The following ZGRF1 variants were observed in gnomAD, a reference collection of about 807,000 sequenced individuals.
ZGRF1 encodes 5'-3' DNA helicase ZGRF1.
Under a neutral mutation model 203.5 loss-of-function variants are expected in ZGRF1, and 196 were observed. The ratio of observed to expected loss-of-function variants is 0.96; its 90% CI spans 0.86 to 1.08. ZGRF1 has a LOEUF of 1.08. Ranked by LOEUF, ZGRF1 falls within the 50% of genes least tolerant of loss-of-function variation. The probability of loss-of-function intolerance (pLI) is 0.00; values close to 1 mark genes in which losing one functional copy is unlikely to be tolerated. For missense variants in ZGRF1, 2,326 were observed against 2,416.3 expected, an observed-to-expected ratio of 0.96 and a Z score of 0.78; for synonymous variants, 809 against 841.3, an observed-to-expected ratio of 0.96 and a Z score of 0.66.
chr4:112,636,841 T>C lies in ZGRF1; in HGVS notation c.-67+10A>G, dbSNP rs1053953699. On this transcript the variant is annotated intron_variant, in intron 1 of 27. Coordinates refer to ENST00000505019, the MANE Select transcript of ZGRF1 (RefSeq NM_018392.5). ...ATTCCTAGGAAATCCCGAGAAACAC[T>C]TCACCTCACCTGTCAAATTGCACAA... 7.2e-5 allele frequency: 11 copies of C among 152,152 alleles called. No homozygotes were observed. The highest frequency in any genetic ancestry group is 1.9e-4 in the African/African-American group (8 of 41,420). 9.4% of individuals were successfully genotyped at this position (152,152 alleles called of 1,614,324 possible).
At position 112,617,843 on chromosome 4, in the gene ZGRF1, AC is replaced by A; in HGVS notation, c.2198del (p.Ser733IlefsTer9). 3.1e-6 allele frequency: 5 copies of A among 1,614,104 alleles called. No individual in the cohort carries two copies. The highest frequency in any genetic ancestry group is 3.4e-6 in the Non-Finnish European group (4 of 1,179,980). On this transcript the variant is annotated frameshift_variant, in exon 6 of 28. Coordinates refer to ENST00000505019, the MANE Select transcript of ZGRF1 (RefSeq NM_018392.5). LOFTEE classifies it high-confidence loss of function. The part of the protein sequence containing the change: ...NDEHVLPSTS[S>X]SDNSVQLLNT... ...TTAATAGTTGGACACTGTTGTCACT[AC>A]TAGAAGTTGAGGGTAAAACATGTTC...
intron 4 of ZGRF1, among the ~76,000 whole-genome samples, chr4:112,621,140 C>T (rs771700051): frequency 3.3e-5 from 5 of 152,152 alleles, no homozygotes; most frequent in African/African-American, 7.2e-5. Flanking sequence ...ATGCCCCCTC[C>T]CAAGCAATTC....
At chr4:112,597,154 C>T (rs2149068630) in intron 10 of ZGRF1, among the ~76,000 whole-genome samples, 1 of 148,276 alleles carries the variant, frequency 6.7e-6, no homozygotes, top group East Asian at 2.0e-4. Flanking sequence ...GCGGAGGTTG[C>T]AGTGAGCCGA....
At chr4:112,597,163 G>A (rs1356575670) in intron 10 of ZGRF1, among the ~76,000 whole-genome samples, 1 of 145,360 alleles carries the variant, frequency 6.9e-6, no homozygotes, top group African/African-American at 2.6e-5. Flanking sequence ...GCAGTGAGCC[G>A]AGATCACACC....
chr4:112,562,207 C>T, intron 18 of ZGRF1, 164 bp downstream of exon 18: 1 of 527,746 alleles, frequency 1.9e-6, no homozygotes, highest in Non-Finnish European at 3.4e-6. Context: ...CTGCACCCAG[C>T]CCCTTTTCTC....
chr4:112,563,354 A>G (rs1268022435), intron 16 of ZGRF1, 80 bp from the exon 17 acceptor site: 2 of 1,044,986 alleles, frequency 1.9e-6, no homozygotes, highest in Non-Finnish European at 2.8e-6. Flanking sequence ...ATATATTTGC[A>G]TATGTGTGTA....
At chr4:112,605,072 C>T (rs1750566447) in intron 9 of ZGRF1, among the ~76,000 whole-genome samples, 1 of 151,940 alleles carries the variant, frequency 6.6e-6, no homozygotes, top group Non-Finnish European at 1.5e-5. Flanking sequence ...AAAAATGAGT[C>T]TCAACTGTTA....
chr4:112,548,244 T>G lies in ZGRF1; in HGVS notation c.5474+9A>C. Reference sequence around the variant, plus strand: ...GTATTACCCCTGGGGAAAGAATCTTTTAGGTTACCTTGCAATGGGAAGGAG... The same window carrying G: ...GTATTACCCCTGGGGAAAGAATCTTGTAGGTTACCTTGCAATGGGAAGGAG... On this transcript the variant is annotated intron_variant, in intron 23 of 27. Coordinates refer to ENST00000505019, the MANE Select transcript of ZGRF1 (RefSeq NM_018392.5). 6.4e-7 allele frequency: 1 copy of G among 1,552,010 alleles called. No homozygotes were observed. The highest frequency in any genetic ancestry group is 8.7e-7 in the Non-Finnish European group (1 of 1,146,946).
At chr4:112,559,992 A>G (rs960865649) in intron 19 of ZGRF1, among the ~76,000 whole-genome samples, 1 of 151,840 alleles carries the variant, frequency 6.6e-6, no homozygotes, top group Non-Finnish European at 1.5e-5. Flanking sequence ...GTGAGAGAAT[A>G]TGAGGAGGAT....
chr4:112,616,671 C>T (rs1318305448), intron 6 of ZGRF1, among the ~76,000 whole-genome samples: 1 of 150,836 alleles, frequency 6.6e-6, no homozygotes. Flanking sequence ...CCTGTCTCTA[C>T]TAAAAATACA....
At chr4:112,573,319 G>A (rs762943263) in intron 16 of ZGRF1, among the ~76,000 whole-genome samples, 15 of 151,904 alleles carry the variant, frequency 9.9e-5, no homozygotes, top group Admixed American at 4.6e-4. Flanking sequence ...ATCAAACATC[G>A]TATGTTCTTA....
intron 7 of ZGRF1, 67 bp from the exon 8 acceptor site, chr4:112,609,496 A>G: frequency 2.4e-6 from 2 of 832,380 alleles, no homozygotes; most frequent in South Asian, 2.9e-5. Flanking sequence ...CAAAAATATA[A>G]ATTTCTATTA....
intron 16 of ZGRF1, 42 bp from the exon 17 acceptor site, chr4:112,563,316 A>T (rs1252548303): frequency 2.1e-6 from 3 of 1,424,898 alleles, no homozygotes; most frequent in South Asian, 1.4e-5. Context: ...AGACATATAC[A>T]GTATGGTTTT....
intron 5 of ZGRF1, 124 bp from the exon 6 acceptor site, chr4:112,619,814 G>C: frequency 2.1e-6 from 2 of 958,560 alleles, no homozygotes; most frequent in Non-Finnish European, 3.0e-6. Flanking sequence ...TAATAATTCA[G>C]ATTTAAAGTT....
At chr4:112,597,513 G>A (rs1271916988) in intron 10 of ZGRF1, among the ~76,000 whole-genome samples, 2 of 151,938 alleles carry the variant, frequency 1.3e-5, no homozygotes, top group South Asian at 2.1e-4. Context: ...AAGAGAGTGA[G>A]ACCTTGTCTC....
In ZGRF1 at chr4:112,576,503, C is replaced by A. The variant is rs541083162; in HGVS notation, c.4438+5160G>T. Among the ~76,000 whole-genome samples, 62 of 151,962 alleles carry A rather than the reference C, an allele frequency of 4.1e-4. 1 individual carries two copies. The highest frequency in any genetic ancestry group is 3.5e-3 in the South Asian group (17 of 4,802). On this transcript the variant is annotated intron_variant, in intron 16 of 27. Coordinates refer to ENST00000505019, the MANE Select transcript of ZGRF1 (RefSeq NM_018392.5). ...CCCAGCTAAAGGAGGAAGTTTGAAC[C>A]CATGGCAAAGAAGTTAAAAACCTTG...
At chr4:112,575,884 C>T (rs1383703481) in intron 16 of ZGRF1, among the ~76,000 whole-genome samples, 1 of 152,220 alleles carries the variant, frequency 6.6e-6, no homozygotes, top group Non-Finnish European at 1.5e-5. Context: ...GCAACAGACA[C>T]CTCTGCAGAC....
chr4:112,635,406 T>C (rs1255468566), intron 1 of ZGRF1, among the ~76,000 whole-genome samples: 1 of 151,908 alleles, frequency 6.6e-6, no homozygotes, highest in Non-Finnish European at 1.5e-5. Context: ...GGAGGTTTTG[T>C]TTCTGTTGGC....
chr4:112,564,978 T>C, intron 16 of ZGRF1: 2 of 856,336 alleles, frequency 2.3e-6, no homozygotes, highest in South Asian at 1.3e-5. Context: ...AGTAAGGAGG[T>C]CTCTGTACCA....
Sources: allele counts gnomAD v4.1 joint callset (sites outside exome capture counted in the v4.1 genomes callset), GRCh38; gene constraint gnomAD v4.1.1; transcripts MANE v1.5; gene names NCBI Gene and HGNC (gene_info 2026-07-23, HGNC 2026-07-21).